CSGALNACT1: variants seen among roughly 807,000 people sequenced by gnomAD.
CSGALNACT1 encodes beta4GalNAcT-1.
In CSGALNACT1, 52 loss-of-function variants were observed where a neutral mutation model predicts 51.0. That is an observed-to-expected ratio of 1.02 (90% CI 0.82 to 1.29). CSGALNACT1 has a LOEUF of 1.29. CSGALNACT1 is among the 50% of genes most tolerant of loss of function. The pLI, the probability that CSGALNACT1 is intolerant of heterozygous loss-of-function variation, is 0.00. For missense variants in CSGALNACT1, 935 were observed against 679.2 expected (o/e 1.38, Z -4.19); for synonymous variants, 341 against 254.4 (o/e 1.34, Z -3.24).
chr8:19,716,266 C>T (rs1039803399), intron 1 of CSGALNACT1, among the ~76,000 whole-genome samples: 8 of 152,174 alleles, frequency 5.3e-5, no homozygotes, highest in Non-Finnish European at 8.8e-5. Context: ...CTCTGAGCAC[C>T]GCCTTTGTAC....
upstream of CSGALNACT1, among the ~76,000 whole-genome samples, chr8:19,687,183 G>A (rs574128680): frequency 1.4e-4 from 21 of 152,084 alleles, no homozygotes; most frequent in Admixed American, 2.0e-4. Flanking sequence ...TCAATACATC[G>A]AGACCTCAAA....
chr8:19,735,143 A>C (rs1455960336), intron 1 of CSGALNACT1, among the ~76,000 whole-genome samples: 1 of 152,146 alleles, frequency 6.6e-6, no homozygotes, highest in Non-Finnish European at 1.5e-5. Context: ...AATTAGAAAA[A>C]TATGATTCAA....
intron 4 of CSGALNACT1, among the ~76,000 whole-genome samples, chr8:19,498,610 C>T (rs958774935): frequency 4.6e-5 from 7 of 152,000 alleles, no homozygotes; most frequent in Non-Finnish European, 1.0e-4. Flanking sequence ...CCCTCCTAAG[C>T]CTGCAGCAGC....
intron 5 of CSGALNACT1, among the ~76,000 whole-genome samples, chr8:19,444,976 A>G (rs2061885349): frequency 6.6e-6 from 1 of 152,162 alleles, no homozygotes; most frequent in Non-Finnish European, 1.5e-5. Flanking sequence ...TGCAGGGCTC[A>G]CTCTGGTCAC....
chr8:19,513,436 C>CTCTCTCTCTATATATA, intron 3 of CSGALNACT1, among the ~76,000 whole-genome samples: 223 of 81,934 alleles, frequency 2.7e-3, no homozygotes, highest in East Asian at 6.3e-3. Flanking sequence ...CTCTCTCTCT[C>CTCTCTCTCTATATATA]TATATATATA....
Position 19,757,566 on chromosome 8 carries a change from C to A in CSGALNACT1, c.-297+284G>T, listed in dbSNP as rs10105881. 0.39 allele frequency among the ~76,000 whole-genome samples: 58,883 copies of A among 151,930 alleles called. 11,938 individuals carry two copies. Among genetic ancestry groups the A allele is most frequent in the Middle Eastern group, 0.49 (145 of 294 alleles). On this transcript the variant is annotated intron_variant, in intron 1 of 1. Coordinates refer to the CSGALNACT1 transcript ENST00000517494. This position sits in a 1 kb window ranked among gnomAD's most constrained non-coding sequence, Gnocchi z 4.0. Reference sequence around the variant, plus strand: ...GCTCGGACACCAGGGGCGGTTTACGCGTGACTGGACACCAAGAGCCGGAGA... The same window carrying A: ...GCTCGGACACCAGGGGCGGTTTACGAGTGACTGGACACCAAGAGCCGGAGA...
intron 4 of CSGALNACT1, among the ~76,000 whole-genome samples, chr8:19,472,960 T>C (rs985393056): frequency 3.3e-5 from 5 of 152,232 alleles, no homozygotes; most frequent in African/African-American, 1.2e-4. Flanking sequence ...TAGAAATAAC[T>C]ATAATAATTG....
intron 4 of CSGALNACT1, among the ~76,000 whole-genome samples, chr8:19,475,184 G>T (rs989763865): frequency 6.6e-6 from 1 of 152,156 alleles, no homozygotes; most frequent in Non-Finnish European, 1.5e-5. Context: ...CTTGACCAGA[G>T]TGTACAAGAG....
At chr8:19,463,404 G>A (rs1344291128) in intron 4 of CSGALNACT1, among the ~76,000 whole-genome samples, 1 of 152,124 alleles carries the variant, frequency 6.6e-6, no homozygotes, top group Non-Finnish European at 1.5e-5. Flanking sequence ...GCAACTTTCA[G>A]TTGGTCTTCT....
At chr8:19,457,643 C>G (rs931133245) in intron 5 of CSGALNACT1, 14 of 1,278,402 alleles carry the variant, frequency 1.1e-5, no homozygotes, top group Non-Finnish European at 1.3e-5. Context: ...TCAGCTTGAT[C>G]TTTCAAGATT....
chr8:19,524,918 G>GAC (rs1371219309), intron 3 of CSGALNACT1, among the ~76,000 whole-genome samples: 2 of 152,156 alleles, frequency 1.3e-5, no homozygotes, highest in African/African-American at 4.8e-5. Flanking sequence ...GAGAAAGAGA[G>GAC]ACACAGAGAG....
intron 1 of CSGALNACT1, among the ~76,000 whole-genome samples, chr8:19,655,988 G>T (rs17480902): frequency 0.04 from 6,116 of 152,180 alleles, 151 homozygotes; most frequent in Non-Finnish European, 0.06. Flanking sequence ...AGAGGATAGA[G>T]TATTTCAGTT....
At chr8:19,605,897 A>G (rs933973458), upstream of CSGALNACT1, among the ~76,000 whole-genome samples, 5 of 152,258 alleles carry the variant, frequency 3.3e-5, no homozygotes, top group African/African-American at 1.2e-4. Context: ...TATTTTAACC[A>G]TCTAGGAATT....
chr8:19,439,749 T>A (rs1445476358), intron 6 of CSGALNACT1, 81 bp downstream of exon 5: 1 of 1,071,386 alleles, frequency 9.3e-7, no homozygotes, highest in Non-Finnish European at 1.4e-6. Context: ...AAAATAAAAT[T>A]AAGCAGAAGT....
intron 1 of CSGALNACT1, among the ~76,000 whole-genome samples, chr8:19,673,198 G>A (rs538716762): frequency 5.9e-5 from 9 of 152,182 alleles, no homozygotes; most frequent in African/African-American, 1.4e-4. Flanking sequence ...AATGGACTCC[G>A]ATGCAAGGAA....
At chr8:19,679,450 C>G (rs1461102046) in intron 1 of CSGALNACT1, among the ~76,000 whole-genome samples, 1 of 151,908 alleles carries the variant, frequency 6.6e-6, no homozygotes, top group African/African-American at 2.4e-5. Flanking sequence ...GAGGGAGATC[C>G]TGCCTCAAAA....
chr8:19,418,027 C>T (rs756411233), intron 8 of CSGALNACT1, among the ~76,000 whole-genome samples: 9 of 152,192 alleles, frequency 5.9e-5, no homozygotes, highest in African/African-American at 2.2e-4. Flanking sequence ...CTATCCATCA[C>T]CTGTGCAGCC....
intron 1 of CSGALNACT1, among the ~76,000 whole-genome samples, chr8:19,660,653 A>T (rs142007789): frequency 3.7e-4 from 56 of 152,232 alleles, no homozygotes; most frequent in Middle Eastern, 3.4e-3. Flanking sequence ...GGTAGCAAGG[A>T]AACACTCCCC....
intron 1 of CSGALNACT1, among the ~76,000 whole-genome samples, chr8:19,746,565 T>C (rs986627227): frequency 6.6e-6 from 1 of 152,346 alleles, no homozygotes; most frequent in Admixed American, 6.5e-5. Flanking sequence ...AGACAGATAG[T>C]ACAGGTCATC....
Sources: gnomAD v4.1 joint callset for allele counts (sites outside exome capture counted in the v4.1 genomes callset) on GRCh38, gnomAD v4.1.1 for gene constraint, Gnocchi (gnomAD v3.1) non-coding constraint, MANE v1.5 for transcripts, NCBI Gene and HGNC (gene_info 2026-07-23, HGNC 2026-07-21) for gene names.